ABCA1: variants seen among roughly 807,000 people sequenced by gnomAD.
ABCA1 encodes ATP binding cassette subfamily A member 1.
In ABCA1, 133 loss-of-function variants were observed where a neutral mutation model predicts 262.5. That is an observed-to-expected ratio of 0.51 (90% CI 0.44 to 0.59). The LOEUF (loss-of-function observed/expected upper bound fraction) is 0.59. Ranked by LOEUF, ABCA1 falls within the 20% of genes least tolerant of loss-of-function variation. ABCA1 has a pLI of 0.00. For synonymous variants in ABCA1, 1,022 were observed against 1,043.5 expected (o/e 0.98, Z 0.40); for missense variants, 2,452 against 2,777.5 (o/e 0.88, Z 2.63).
rs1195725561 is a variant in ABCA1 at position 104,824,642 on chromosome 9, G to C, written c.2543-64C>G. 44 of 1,578,080 alleles carry C rather than the reference G, an allele frequency of 2.8e-5. No homozygotes were observed. The Admixed American group carries it at 7.6e-4, about 27-fold the overall frequency. On this transcript the variant is annotated intron_variant, in intron 17 of 49. Transcript: ENST00000374736. ...ATCCCAGTATTCTGAGGGTTTCCCA[G>C]CCAGGTCCATTTCCTCCTTGACACA...
At chr9:104,820,269 A>G (rs1347560937) in intron 20 of ABCA1, among the ~76,000 whole-genome samples, 200 bp from the exon 21 acceptor site, 1 of 152,236 alleles carries the variant, frequency 6.6e-6, no homozygotes, top group Admixed American at 6.5e-5. Flanking sequence ...TCAGGAAATC[A>G]AAGTGAAAGG....
intron 17 of ABCA1, chr9:104,825,443 G>A: frequency 3.5e-6 from 2 of 577,144 alleles, no homozygotes; most frequent in East Asian, 3.0e-5. Flanking sequence ...ATTAAATGAA[G>A]CAATGTGTAT....
At chr9:104,884,310 A>C in intron 4 of ABCA1, 117 bp downstream of exon 4, 1 of 1,356,490 alleles carries the variant, frequency 7.4e-7, no homozygotes, top group South Asian at 1.2e-5. Flanking sequence ...CTATCACACA[A>C]GCATTTACAA....
chr9:104,921,600 G>A (rs902637410), intron 1 of ABCA1, among the ~76,000 whole-genome samples: 14 of 152,150 alleles, frequency 9.2e-5, no homozygotes, highest in African/African-American at 3.4e-4. Flanking sequence ...AAATTTCTCA[G>A]TCTAACATAA....
Position 104,857,065 on chromosome 9 carries a change from G to A in ABCA1, c.720+1457C>T, listed in dbSNP as rs143221034. ...CATGCCTTTAATCCCAACACTTTGG[G>A]AGGCCGAGGTGGGCAGATCACTTGA... On this transcript the variant is annotated intron_variant, in intron 7 of 49. Coordinates refer to ENST00000374736, the MANE Select transcript of ABCA1 (RefSeq NM_005502.4). Among the ~76,000 whole-genome samples, 922 of 152,242 alleles carry A rather than the reference G, an allele frequency of 6.1e-3. 11 individuals carry two copies. Among genetic ancestry groups the A allele is most frequent in the Non-Finnish European group, 0.011 (717 of 68,020 alleles).
chr9:104,825,568 G>T, intron 17 of ABCA1, 115 bp downstream of exon 17: 1 of 1,030,166 alleles, frequency 9.7e-7, no homozygotes, highest in Non-Finnish European at 1.5e-6. Context: ...GTTTACTATA[G>T]ATCTATAGCC....
intron 2 of ABCA1, among the ~76,000 whole-genome samples, chr9:104,890,952 T>C (rs573011659): frequency 6.2e-4 from 94 of 152,350 alleles, no homozygotes; most frequent in African/African-American, 2.2e-3. Context: ...CATGCATACA[T>C]AAATAATATT....
chr9:104,861,868 TG>T, intron 5 of ABCA1, 68 bp from the exon 6 acceptor site: 3 of 1,391,742 alleles, frequency 2.2e-6, no homozygotes, highest in Non-Finnish European at 3.0e-6. Flanking sequence ...GTGGGCACAA[TG>T]GGACAGTGGA....
At position 104,798,574 on chromosome 9, in the gene ABCA1, A is replaced by G; in HGVS notation, c.4968T>C (p.Leu1656=). The G allele has an allele frequency of 6.2e-7, 1 of 1,614,168 alleles. No individual in the cohort carries two copies. Among genetic ancestry groups the G allele is most frequent in the Middle Eastern group, 1.7e-4 (1 of 6,060 alleles). Residue 1656 remains leucine, a synonymous_variant, in exon 37 of 50, where the codon CTT becomes CTC. Transcript: ENST00000374736. ...TTGCAAAGATGACACAGATGGACAC[A>G]AGGACATCCACTGATGTGGTCATCC... ...VALMTTSVDV[L]VSICVIFAMS...
In ABCA1 at chr9:104,831,603, G is replaced by A. The variant is rs1365808088; in HGVS notation, c.1715+19C>T. The A allele has an allele frequency of 6.2e-7, 1 of 1,600,148 alleles. No homozygotes were observed. The highest frequency in any genetic ancestry group is 8.6e-7 in the Non-Finnish European group (1 of 1,168,834). The stretch of plus-strand genomic sequence containing the variant: ...TGGACCTCCCCAAGACCAGGCTGGT[G>A]TGATGGGATTCCACTTACCCATCCT... On this transcript the variant is annotated intron_variant, in intron 13 of 49. Transcript: ENST00000374736.
At chr9:104,805,629 G>A (rs1830695388) in intron 31 of ABCA1, among the ~76,000 whole-genome samples, 1 of 152,156 alleles carries the variant, frequency 6.6e-6, no homozygotes, top group African/African-American at 2.4e-5. Context: ...CAGAGGTGAA[G>A]AAACAGGCCC....
At chr9:104,869,135 C>T (rs997378256) in intron 5 of ABCA1, among the ~76,000 whole-genome samples, 1 of 152,052 alleles carries the variant, frequency 6.6e-6, no homozygotes, top group East Asian at 1.9e-4. Context: ...TCGGTCAGTG[C>T]CCTCCAGTCC....
chr9:104,836,842 A>C, intron 11 of ABCA1, 138 bp downstream of exon 11: 1 of 716,354 alleles, frequency 1.4e-6, no homozygotes, highest in Non-Finnish European at 2.5e-6. Context: ...GTGCCCTGTG[A>C]CTTTAGCTAT....
At chr9:104,816,909 T>C (rs1042892577) in intron 24 of ABCA1, among the ~76,000 whole-genome samples, 2 of 152,110 alleles carry the variant, frequency 1.3e-5, no homozygotes, top group African/African-American at 4.8e-5. Context: ...GTTCCACATA[T>C]GCTACTGGTG....
In ABCA1 at chr9:104,887,808, C is replaced by CT. The variant is rs935568011; in HGVS notation, c.160+1293_160+1294insA. Among the ~76,000 whole-genome samples, 4 of 147,564 alleles carry CT rather than the reference C, an allele frequency of 2.7e-5. No homozygotes were observed. In the Admixed American group the frequency reaches 2.8e-4, roughly 10 times the overall value. Reference sequence around the variant, plus strand: ...ATGGCGCAATCTCGGCTCACTGCAACCTCAGCCTCGCAGGTTGAAGCAATT... The same window carrying CT: ...ATGGCGCAATCTCGGCTCACTGCAACTCTCAGCCTCGCAGGTTGAAGCAATT... On this transcript the variant is annotated intron_variant, in intron 3 of 49. Transcript: ENST00000374736.
At position 104,928,052 on chromosome 9, in the gene ABCA1, C is replaced by G. The variant is rs1205064568; in HGVS notation, c.-210G>C. ...GAGCAAAGCGCCCTGAGAACCGGCTCTGTTGGTGCGCGGAGCTCCCCGCCC... is the reference window on the plus strand; with the variant it reads ...GAGCAAAGCGCCCTGAGAACCGGCTGTGTTGGTGCGCGGAGCTCCCCGCCC... On this transcript the variant is annotated 5_prime_UTR_variant, in exon 1 of 50. Coordinates refer to ENST00000374736, the MANE Select transcript of ABCA1 (RefSeq NM_005502.4). 1 of 152,256 alleles carries G rather than the reference C, an allele frequency of 6.6e-6. No individual in the cohort carries two copies. Among genetic ancestry groups the G allele is most frequent in the Non-Finnish European group, 1.5e-5 (1 of 68,062 alleles). The allele number at this position is 152,256 out of a possible 1,614,324, so 9.4% of individuals were successfully genotyped here.
In ABCA1 at chr9:104,841,158, G is replaced by A. The variant is rs2487062; in HGVS notation, c.814-639C>T. Among the ~76,000 whole-genome samples the A allele has an allele frequency of 5.3e-5, 8 of 152,166 alleles. No homozygotes were observed. In the South Asian group the frequency reaches 1.0e-3, roughly 20 times the overall value. ...AAGATGAAAAACTCGAGTCTGGGCC[G>A]GGTGCAGTGGCTCACACCTGTAATC... On this transcript the variant is annotated intron_variant, in intron 8 of 49. Coordinates refer to ENST00000374736, the MANE Select transcript of ABCA1 (RefSeq NM_005502.4).
At chr9:104,875,280 T>C (rs1231406780) in intron 5 of ABCA1, among the ~76,000 whole-genome samples, 6 of 143,956 alleles carry the variant, frequency 4.2e-5, no homozygotes, top group African/African-American at 1.6e-4. Context: ...GAGGCGGTGG[T>C]CGCAGTGAGC....
Position 104,817,280 on chromosome 9 carries a change from C to T in ABCA1, c.3535+52G>A. The T allele has an allele frequency of 6.2e-7, 1 of 1,613,834 alleles. No individual in the cohort carries two copies. The highest frequency in any genetic ancestry group is 1.7e-5 in the Admixed American group (1 of 60,016). ...TCTCCTCCTCTGCCTCCACTCTGCC[C>T]AGCTGGGGGAAGCTCAGGCACCACC... On this transcript the variant is annotated intron_variant, in intron 24 of 49. Coordinates refer to ENST00000374736, the MANE Select transcript of ABCA1 (RefSeq NM_005502.4). The surrounding 1 kb of genome is among the most constrained non-coding windows in gnomAD (Gnocchi z 4.7).
Sources: gnomAD v4.1 joint callset for allele counts (sites outside exome capture counted in the v4.1 genomes callset) on GRCh38, gnomAD v4.1.1 for gene constraint, Gnocchi (gnomAD v3.1) non-coding constraint, MANE v1.5 for transcripts, NCBI Gene and HGNC (gene_info 2026-07-23, HGNC 2026-07-21) for gene names.